The following SGK1 variants were observed in gnomAD, a reference collection of about 807,000 sequenced individuals.
SGK1 encodes serine/threonine-protein kinase Sgk1.
SGK1 carries 26 observed loss-of-function variants against 64.2 expected under a neutral mutation model. That is an observed-to-expected ratio of 0.40 (90% CI 0.30 to 0.56). The LOEUF is 0.56. Ranked by LOEUF, SGK1 falls within the 20% of genes least tolerant of loss-of-function variation. The probability of loss-of-function intolerance (pLI) is 0.38; values close to 1 mark genes in which losing one functional copy is unlikely to be tolerated. For synonymous variants in SGK1, 265 were observed against 239.7 expected, an observed-to-expected ratio of 1.11 and a Z score of -0.98; for missense variants, 519 against 645.6, an observed-to-expected ratio of 0.80 and a Z score of 2.12.
chr6:134,224,434 T>C (rs1776137601), intron 2 of SGK1, among the ~76,000 whole-genome samples: 1 of 152,218 alleles, frequency 6.6e-6, no homozygotes, highest in Non-Finnish European at 1.5e-5. Flanking sequence ...CTTGAGTTCT[T>C]AACTTCTGGG....
Position 134,170,357 on chromosome 6 carries a change from C to A in SGK1, c.1492G>T (p.Asp498Tyr). The A allele has an allele frequency of 6.2e-7, 1 of 1,614,090 alleles. No individual in the cohort carries two copies. The highest frequency in any genetic ancestry group is 1.1e-5 in the South Asian group (1 of 91,076). ...PVPNSIGKSPDSVLVTASVKE... is the reference protein window; with the variant it reads ...PVPNSIGKSPYSVLVTASVKE... ...ACGCTGGCTGTGACGAGGACGCTGT[C>A]AGGGGACTTGCCAATGGAGTTGGGG... The change falls in exon 14 of 14, where the codon GAC becomes TAC. Residue 498 changes from aspartate to tyrosine, a missense_variant. Physicochemically the swap from Asp to Tyr is radical, Grantham distance 160. This residue lies in a region of SGK1 where 278 missense variants were observed against 408.7 expected (regional missense o/e 0.68). Transcript: ENST00000367858.
chr6:134,213,502 CAA>C (rs995171280), intron 2 of SGK1, among the ~76,000 whole-genome samples: 2 of 151,082 alleles, frequency 1.3e-5, no homozygotes, highest in South Asian at 2.1e-4. Flanking sequence ...GCCTGGGTGA[CAA>C]GAGCAAAACT....
intron 2 of SGK1, among the ~76,000 whole-genome samples, chr6:134,242,650 A>C (rs931606061): frequency 2.5e-4 from 38 of 151,378 alleles, no homozygotes; most frequent in Admixed American, 6.6e-4. Context: ...TTTTTTTTAG[A>C]AATGGGGTCT....
intron 3 of SGK1, among the ~76,000 whole-genome samples, chr6:134,196,549 C>T (rs12212449): frequency 0.46 from 70,162 of 152,106 alleles, 18,880 homozygotes; most frequent in Non-Finnish European, 0.61. Flanking sequence ...CTGTGGCAAA[C>T]TCAGAAGGCC....
chr6:134,181,170 C>T (rs531221233), intron 3 of SGK1, among the ~76,000 whole-genome samples: 4 of 152,230 alleles, frequency 2.6e-5, no homozygotes, highest in African/African-American at 9.6e-5. Context: ...GTAACTGACA[C>T]GAAGGCAATA....
At chr6:134,303,326 A>G (rs905208938) in intron 1 of SGK1, among the ~76,000 whole-genome samples, 1 of 151,956 alleles carries the variant, frequency 6.6e-6, no homozygotes, top group Non-Finnish European at 1.5e-5. Flanking sequence ...TGGGAGGCGG[A>G]GCTTGCAGTG....
At chr6:134,207,190 C>T (rs1411450824) in intron 3 of SGK1, among the ~76,000 whole-genome samples, 166 bp downstream of exon 3, 1 of 152,082 alleles carries the variant, frequency 6.6e-6, no homozygotes, top group Non-Finnish European at 1.5e-5. Flanking sequence ...TGCGCCACTG[C>T]CCTCCAACCT....
rs892638207 is a variant in SGK1 at position 134,272,485 on chromosome 6, G to GTC, written c.70-10339_70-10338dup. ...CAGTGTTGTTGTTGTTTTTTTAACT[G>GTC]TCTCTCTCTCTCTAGGCTACTGTCT... On this transcript the variant is annotated intron_variant, in intron 1 of 13. Coordinates refer to ENST00000367858, the MANE Select transcript of SGK1 (RefSeq NM_001143676.3). Among the ~76,000 whole-genome samples the GTC allele has an allele frequency of 4.8e-5, 7 of 145,332 alleles. 2 individuals carry two copies. The highest frequency in any genetic ancestry group is 7.6e-5 in the Non-Finnish European group (5 of 65,864).
At chr6:134,287,223 C>T (rs1181251005) in intron 1 of SGK1, among the ~76,000 whole-genome samples, 2 of 152,132 alleles carry the variant, frequency 1.3e-5, no homozygotes, top group African/African-American at 2.4e-5. Flanking sequence ...CCACCTGCCT[C>T]GGGCTCCCAG....
In SGK1 at chr6:134,173,286, C is replaced by T; in HGVS notation, c.690G>A (p.Leu230=). ...GCACATCTCATACCTCTTTCTTTTT[C>T]AGGATTGCTTTCTTCTGTAAAACTT... ...AVKVLQKKAI[L]KKKEEKHIMS... Residue 230 remains leucine (L), a synonymous_variant, in exon 7 of 14, where the codon CTG becomes CTA. Transcript: ENST00000367858. 6.2e-7 allele frequency: 1 copy of T among 1,613,508 alleles called. No individual in the cohort carries two copies. Among genetic ancestry groups the T allele is most frequent in the Non-Finnish European group, 8.5e-7 (1 of 1,179,472 alleles).
chr6:134,260,376 C>CCCCCA (rs1776747967), intron 2 of SGK1: 1 of 137,278 alleles, frequency 7.3e-6, no homozygotes, highest in Non-Finnish European at 1.6e-5. Flanking sequence ...CGACCCCCAC[C>CCCCCA]CCCCCCAAAA....
chr6:134,197,898 A>T (rs995997157), intron 3 of SGK1, among the ~76,000 whole-genome samples: 1 of 32,638 alleles, frequency 3.1e-5, no homozygotes, highest in African/African-American at 8.9e-5. Flanking sequence ...AAATAAAATA[A>T]AATATAAAAT....
chr6:134,267,005 TAACTTTAGGGTTACTGTG>T (rs1776864093), intron 1 of SGK1, among the ~76,000 whole-genome samples: 1 of 152,172 alleles, frequency 6.6e-6, no homozygotes, highest in African/African-American at 2.4e-5. Context: ...CAAGTAGATT[TAACTTTAGGGTTACTGTG>T]AACAGGATTT....
intron 1 of SGK1, among the ~76,000 whole-genome samples, chr6:134,292,363 C>A (rs984337391): frequency 6.6e-6 from 1 of 152,058 alleles, no homozygotes. Context: ...GAGGCCGAGG[C>A]GGGTGGATCA....
At chr6:134,183,684 T>G (rs1775368081) in intron 3 of SGK1, among the ~76,000 whole-genome samples, 1 of 152,140 alleles carries the variant, frequency 6.6e-6, no homozygotes, top group Non-Finnish European at 1.5e-5. Context: ...AAGTGAGGAA[T>G]GTGCTGGAAA....
At chr6:134,232,774 C>T (rs1165808130) in intron 2 of SGK1, among the ~76,000 whole-genome samples, 1 of 151,678 alleles carries the variant, frequency 6.6e-6, no homozygotes, top group Non-Finnish European at 1.5e-5. Flanking sequence ...ATTACTTGAA[C>T]CCGGGAGGCA....
chr6:134,305,041 G>A (rs1256827402), intron 1 of SGK1, among the ~76,000 whole-genome samples: 1 of 152,102 alleles, frequency 6.6e-6, no homozygotes, highest in Non-Finnish European at 1.5e-5. Flanking sequence ...GTGAATGATA[G>A]AGAAGACAAT....
At chr6:134,277,125 G>A (rs971273849) in intron 1 of SGK1, among the ~76,000 whole-genome samples, 1 of 151,980 alleles carries the variant, frequency 6.6e-6, no homozygotes, top group Non-Finnish European at 1.5e-5. Context: ...TGTAACCCCA[G>A]CACTTTGGGA....
chr6:134,216,634 T>C (rs766227118), intron 2 of SGK1, among the ~76,000 whole-genome samples: 14 of 152,188 alleles, frequency 9.2e-5, no homozygotes, highest in Non-Finnish European at 1.5e-4. Flanking sequence ...GTATTTGGAT[T>C]GAGGAGCAGA....
Sources: allele counts gnomAD v4.1 joint callset (sites outside exome capture counted in the v4.1 genomes callset), GRCh38; gene constraint gnomAD v4.1.1; regional missense constraint gnomAD v4.1.1; transcripts MANE v1.5; gene names NCBI Gene and HGNC (gene_info 2026-07-23, HGNC 2026-07-21).